Variants in A3GALT2 observed in about 807,000 individuals in gnomAD.
The protein encoded by A3GALT2 is alpha-1,3-galactosyltransferase 2.
A3GALT2 carries 14 observed loss-of-function variants against 16.6 expected under a neutral mutation model. That is an observed-to-expected ratio of 0.84 (90% CI 0.56 to 1.32). The LOEUF (loss-of-function observed/expected upper bound fraction) is 1.32. Among genes scored for constraint, A3GALT2 ranks in the 40% most tolerant of loss-of-function variants. The pLI is 0.00. For synonymous variants in A3GALT2, 253 were observed against 218.0 expected, an observed-to-expected ratio of 1.16 and a Z score of -1.42; for missense variants, 600 against 490.9, an observed-to-expected ratio of 1.22 and a Z score of -2.10.
intron 4 of A3GALT2, among the ~76,000 whole-genome samples, chr1:33,310,867 G>A (rs1436687673): frequency 1.3e-5 from 2 of 152,192 alleles, no homozygotes; most frequent in Non-Finnish European, 2.9e-5. Flanking sequence ...TGGGAGCACC[G>A]AGGCCTTGGG....
Position 33,321,064 on chromosome 1 carries a change from GT to G in A3GALT2, c.23+11del. On this transcript the variant is annotated intron_variant, in intron 1 of 4. Transcript: ENST00000442999. ...AAGCTTTCTTCCTCTCCATACCATT[GT>G]CCCCCCTCACCTGAGTCCCTCCTTG... 1 of 1,613,014 alleles carries G rather than the reference GT, an allele frequency of 6.2e-7. No individual in the cohort carries two copies. Among genetic ancestry groups the G allele is most frequent in the South Asian group, 1.1e-5 (1 of 91,078 alleles).
At chr1:33,309,991 C>G (rs983127999) in intron 4 of A3GALT2, among the ~76,000 whole-genome samples, 2 of 152,248 alleles carry the variant, frequency 1.3e-5, no homozygotes, top group African/African-American at 4.8e-5. Flanking sequence ...GAGATCACGC[C>G]ACTGCACTCC....
chr1:33,314,296 C>T (rs1479009529), intron 1 of A3GALT2: 1 of 152,238 alleles, frequency 6.6e-6, no homozygotes, highest in East Asian at 1.9e-4. Context: ...CTCCTGACCT[C>T]CGGTGATCCA....
In A3GALT2 at chr1:33,307,045, C is replaced by G. The variant is rs1336478028; in HGVS notation, c.744G>C (p.Gln248His). ...CCGCCGCGTGGTTATAGAAGTCGCC[C>G]TGGCCCCACGCCATCGCGGCGGCCG... Reference protein sequence around the residue: ...AHSAAAMAWGQGDFYNHAAVF... With the variant: ...AHSAAAMAWGHGDFYNHAAVF... Residue 248 changes from glutamine to histidine, a missense_variant, in exon 5 of 5, where the codon CAG becomes CAC. Coordinates refer to ENST00000442999, the MANE Select transcript of A3GALT2 (RefSeq NM_001080438.1). The G allele has an allele frequency of 6.6e-7, 1 of 1,505,732 alleles. No individual in the cohort carries two copies. Among genetic ancestry groups the G allele is most frequent in the African/African-American group, 1.4e-5 (1 of 69,234 alleles). The allele number at this position is 1,505,732 out of a possible 1,614,324, so 93.3% of individuals were successfully genotyped here.
intron 1 of A3GALT2, among the ~76,000 whole-genome samples, chr1:33,318,317 C>T (rs1018810110): frequency 6.6e-6 from 1 of 152,112 alleles, no homozygotes; most frequent in Admixed American, 6.5e-5. Context: ...TTTAATGCCC[C>T]ACATGCAGCC....
intron 4 of A3GALT2, among the ~76,000 whole-genome samples, chr1:33,310,411 TG>T (rs1340396234): frequency 6.6e-6 from 1 of 152,188 alleles, no homozygotes; most frequent in East Asian, 1.9e-4. Context: ...AATAATAAGT[TG>T]TTTTAAGTCA....
intron 1 of A3GALT2, among the ~76,000 whole-genome samples, chr1:33,315,285 G>A (rs1646256456): frequency 1.3e-5 from 2 of 151,870 alleles, no homozygotes; most frequent in Non-Finnish European, 2.9e-5. Context: ...GGGTGGCTGA[G>A]GCAGGAGAAT....
At chr1:33,311,096 C>T (rs1014963759) in intron 4 of A3GALT2, among the ~76,000 whole-genome samples, 2 of 152,138 alleles carry the variant, frequency 1.3e-5, no homozygotes, top group African/African-American at 4.8e-5. Flanking sequence ...CACCACCTTC[C>T]CAAAGCAACT....
At chr1:33,319,668 C>T (rs532620793) in intron 1 of A3GALT2, among the ~76,000 whole-genome samples, 183 of 152,230 alleles carry the variant, frequency 1.2e-3, no homozygotes, top group Middle Eastern at 3.4e-3. Flanking sequence ...GCACATGGGG[C>T]GTTCGTTCTT....
rs371431028 is a variant in A3GALT2, at chr1:33,312,542, C to T, written c.156G>A (p.Met52Ile). Residue 52 changes from methionine (M) to isoleucine (I), a missense_variant, in exon 3 of 5, where the codon ATG becomes ATA. Physicochemically the swap from Met to Ile is conservative, Grantham distance 10. Transcript: ENST00000442999. ...CTGTGAAGTTGTCTCTCAGCTGGGACATTGTGGCCGAAGGGCAGACGCCCA... is the reference window on the plus strand; with the variant it reads ...CTGTGAAGTTGTCTCTCAGCTGGGATATTGTGGCCGAAGGGCAGACGCCCA... ...IPMGVCPSAT[M>I]SQLRDNFTGA... 1.5e-3 allele frequency: 2,477 copies of T among 1,603,806 alleles called. No individual in the cohort carries two copies. The highest frequency in any genetic ancestry group is 1.8e-3 in the Non-Finnish European group (2,112 of 1,174,514).
At chr1:33,319,822 GC>G (rs1646277283) in intron 1 of A3GALT2, among the ~76,000 whole-genome samples, 1 of 152,118 alleles carries the variant, frequency 6.6e-6, no homozygotes, top group Admixed American at 6.6e-5. Context: ...CAACTAATCA[GC>G]TTGTTTCTCC....
chr1:33,308,104 C>T (rs531200916), intron 4 of A3GALT2, among the ~76,000 whole-genome samples: 29 of 108,988 alleles, frequency 2.7e-4, no homozygotes, highest in African/African-American at 9.9e-4. Flanking sequence ...CTTGGAACTC[C>T]GGACCCTCTA....
At position 33,312,491 on chromosome 1, in the gene A3GALT2, A is replaced by G; in HGVS notation, c.197+10T>C. The G allele has an allele frequency of 1.9e-6, 3 of 1,576,084 alleles. No homozygotes were observed. Among genetic ancestry groups the G allele is most frequent in the East Asian group, 4.5e-5 (2 of 44,546 alleles). The stretch of plus-strand genomic sequence containing the variant: ...GTGCCCTTGGAGTAGGAGGGATGGG[A>G]GCTTCTTACCAGGGACGCAGGGCAC... On this transcript the variant is annotated intron_variant, in intron 3 of 4. Transcript: ENST00000442999.
chr1:33,309,749 G>A (rs189727255), intron 4 of A3GALT2, among the ~76,000 whole-genome samples: 42,133 of 151,120 alleles, frequency 0.28, 6,523 homozygotes, highest in Admixed American at 0.44. Context: ...GACGATGGGC[G>A]GCCGGGCAGA....
rs768817040 is a variant in A3GALT2 at position 33,312,500 on chromosome 1, C to A, written c.197+1G>T. On this transcript the variant is annotated splice_donor_variant, in intron 3 of 4. Coordinates refer to ENST00000442999, the MANE Select transcript of A3GALT2 (RefSeq NM_001080438.1). LOFTEE classifies it high-confidence loss of function. ...GAGTAGGAGGGATGGGAGCTTCTTA[C>A]CAGGGACGCAGGGCACCTGTGAAGT... 6.3e-7 allele frequency: 1 copy of A among 1,585,586 alleles called. No homozygotes were observed. The highest frequency in any genetic ancestry group is 8.6e-7 in the Non-Finnish European group (1 of 1,164,960).
rs1201597272 is a variant in A3GALT2 at position 33,306,792 on chromosome 1, T to G, written c.997A>C (p.Lys333Gln). The G allele has an allele frequency of 7.0e-7, 1 of 1,435,978 alleles. No homozygotes were observed. Among genetic ancestry groups the G allele is most frequent in the South Asian group, 1.4e-5 (1 of 71,408 alleles). 89.0% of individuals were successfully genotyped at this position (1,435,978 alleles called of 1,614,324 possible). A position where few individuals can be genotyped will look rare whatever the true frequency, so the allele number is the denominator to read the frequency against. The change falls in exon 5 of 5, where the codon AAG (lysine) becomes CAG (glutamine). Residue 333 changes from lysine to glutamine, a missense_variant. Lys to Gln is a moderately conservative substitution (Grantham distance 53). Coordinates refer to ENST00000442999, the MANE Select transcript of A3GALT2 (RefSeq NM_001080438.1). ...IRRPRLLWAPKGYRLLRN is the reference protein window; with the variant it reads ...IRRPRLLWAPQGYRLLRN ...TAGTTCCGCAGCAGCCGGTACCCCTTGGGCGCCCACAGCAGTCGCGGGCGG... is the reference window on the plus strand; with the variant it reads ...TAGTTCCGCAGCAGCCGGTACCCCTGGGGCGCCCACAGCAGTCGCGGGCGG...
At chr1:33,313,983 CA>C (rs1646249586) in intron 1 of A3GALT2, 2 of 151,912 alleles carry the variant, frequency 1.3e-5, no homozygotes, top group Non-Finnish European at 2.9e-5. Flanking sequence ...GTCACCTGGG[CA>C]GCCTCCTCAC....
At chr1:33,317,783 T>C (rs1293506004) in intron 1 of A3GALT2, among the ~76,000 whole-genome samples, 11 of 152,242 alleles carry the variant, frequency 7.2e-5, no homozygotes, top group Admixed American at 7.2e-4. Context: ...TTTTGGACTT[T>C]TTTGGAGTTT....
intron 4 of A3GALT2, 57 bp from the exon 5 acceptor site, chr1:33,307,510 C>T (rs1337644063): frequency 2.6e-5 from 36 of 1,386,292 alleles, no homozygotes; most frequent in Non-Finnish European, 3.4e-5. Flanking sequence ...CCCGGCCTCC[C>T]CACCTCATCT....
Sources: allele counts gnomAD v4.1 joint callset (sites outside exome capture counted in the v4.1 genomes callset), GRCh38; gene constraint gnomAD v4.1.1; transcripts MANE v1.5; gene names NCBI Gene and HGNC (gene_info 2026-07-23, HGNC 2026-07-21).